The following MDFIC2 variants were observed in gnomAD, a reference collection of about 807,000 sequenced individuals.
The protein encoded by MDFIC2 is MyoD family inhibitor domain containing 2.
In MDFIC2 at chr3:70,223,931, C is replaced by A. The variant is rs74608348; in HGVS notation, c.89-17141G>T. Among the ~76,000 whole-genome samples the A allele has an allele frequency of 5.3e-3, 809 of 152,178 alleles. 10 individuals carry two copies. The highest frequency in any genetic ancestry group is 0.019 in the African/African-American group (769 of 41,516). On this transcript the variant is annotated intron_variant, in intron 2 of 3. Transcript: ENST00000567252. ...TAACTTTTGTACTCTCCTCTCCCCCCACCCTTTTGGTTTTGTTTCTTTCTT... is the reference window on the plus strand; with the variant it reads ...TAACTTTTGTACTCTCCTCTCCCCCAACCCTTTTGGTTTTGTTTCTTTCTT...
intron 2 of MDFIC2, among the ~76,000 whole-genome samples, chr3:70,288,136 T>C (rs1253686686): frequency 6.9e-6 from 1 of 145,400 alleles, no homozygotes; most frequent in African/African-American, 2.6e-5. Flanking sequence ...TTCTAGTTCT[T>C]TTAATTGTGA....
intron 2 of MDFIC2, among the ~76,000 whole-genome samples, chr3:70,307,213 ATTG>A (rs1342084375): frequency 2.0e-5 from 3 of 152,006 alleles, no homozygotes; most frequent in African/African-American, 7.2e-5. Flanking sequence ...TGGTGTTGTT[ATTG>A]TTGTTGTTGT....
intron 2 of MDFIC2, among the ~76,000 whole-genome samples, chr3:70,307,424 G>A (rs1391830122): frequency 1.3e-5 from 2 of 152,074 alleles, no homozygotes; most frequent in African/African-American, 4.8e-5. Flanking sequence ...AATGGTGTAA[G>A]CTACAGGCAC....
intron 2 of MDFIC2, among the ~76,000 whole-genome samples, chr3:70,235,732 C>T (rs1701600388): frequency 6.6e-6 from 1 of 152,178 alleles, no homozygotes; most frequent in South Asian, 2.1e-4. Context: ...CAAATCAGGC[C>T]ATTGATAATT....
intron 2 of MDFIC2, among the ~76,000 whole-genome samples, chr3:70,301,760 C>T (rs896225186): frequency 4.6e-5 from 7 of 151,914 alleles, no homozygotes; most frequent in African/African-American, 1.7e-4. Context: ...ATAAACTTTT[C>T]ATATTTTATG....
At chr3:70,291,999 GA>G (rs1702243871) in intron 2 of MDFIC2, 1 of 152,122 alleles carries the variant, frequency 6.6e-6, no homozygotes, top group Non-Finnish European at 1.5e-5. Flanking sequence ...TCATATACAA[GA>G]CACGATGGTT....
intron 2 of MDFIC2, among the ~76,000 whole-genome samples, chr3:70,285,536 A>G (rs1460127053): frequency 2.6e-5 from 4 of 152,026 alleles, no homozygotes. Flanking sequence ...ATGTGTCTTT[A>G]TAGCAGCATG....
intron 2 of MDFIC2, among the ~76,000 whole-genome samples, chr3:70,219,548 G>A (rs561766224): frequency 6.6e-6 from 1 of 152,184 alleles, no homozygotes; most frequent in African/African-American, 2.4e-5. Flanking sequence ...AGTTTGTAAA[G>A]AAAAGAGAAA....
chr3:70,250,924 A>G (rs539166539), intron 2 of MDFIC2, among the ~76,000 whole-genome samples: 3 of 152,246 alleles, frequency 2.0e-5, no homozygotes, highest in African/African-American at 7.2e-5. Context: ...ATGGTCTCCA[A>G]TAAAATTTAA....
chr3:70,216,263 TAAC>T (rs1191518147), intron 2 of MDFIC2, among the ~76,000 whole-genome samples: 1 of 150,336 alleles, frequency 6.7e-6, no homozygotes, highest in African/African-American at 2.4e-5. Flanking sequence ...ATTAGATTAA[TAAC>T]AAATATACTA....
At chr3:70,293,058 A>AG in intron 2 of MDFIC2, among the ~76,000 whole-genome samples, 1 of 150,100 alleles carries the variant, frequency 6.7e-6, no homozygotes, top group Non-Finnish European at 1.5e-5. Flanking sequence ...AAAAAAAAAA[A>AG]AAAAAAAAAA....
chr3:70,285,834 T>G (rs1702156596), intron 2 of MDFIC2, among the ~76,000 whole-genome samples: 1 of 152,148 alleles, frequency 6.6e-6, no homozygotes, highest in Non-Finnish European at 1.5e-5. Context: ...AATCATGTGT[T>G]TTTTGGCTGC....
chr3:70,279,415 C>A (rs956610849), intron 2 of MDFIC2, among the ~76,000 whole-genome samples: 2 of 152,046 alleles, frequency 1.3e-5, no homozygotes, highest in South Asian at 2.1e-4. Context: ...GTCAGAAAGA[C>A]CTCTGGACTT....
At chr3:70,267,338 A>G (rs1416455389) in intron 2 of MDFIC2, among the ~76,000 whole-genome samples, 1 of 150,400 alleles carries the variant, frequency 6.6e-6, no homozygotes, top group South Asian at 2.1e-4. Flanking sequence ...TTTCCATGAG[A>G]CCTACCTTTA....
At chr3:70,220,453 A>G (rs1701452494) in intron 2 of MDFIC2, among the ~76,000 whole-genome samples, 1 of 152,028 alleles carries the variant, frequency 6.6e-6, no homozygotes, top group Admixed American at 6.6e-5. Flanking sequence ...AAAAAAAATT[A>G]CTTCAAGTTA....
chr3:70,304,518 A>G (rs975150007), intron 2 of MDFIC2, among the ~76,000 whole-genome samples: 4 of 151,982 alleles, frequency 2.6e-5, no homozygotes, highest in African/African-American at 9.7e-5. Context: ...ACCATTCATC[A>G]TTACCATTTC....
chr3:70,206,384 C>G (rs936791363), intron 3 of MDFIC2, among the ~76,000 whole-genome samples, 185 bp downstream of exon 3: 3 of 152,056 alleles, frequency 2.0e-5, no homozygotes, highest in Non-Finnish European at 4.4e-5. Flanking sequence ...AGCAAACAAT[C>G]TGCCAAGCGC....
intron 2 of MDFIC2, among the ~76,000 whole-genome samples, chr3:70,213,564 A>G (rs888241815): frequency 6.6e-6 from 1 of 152,152 alleles, no homozygotes; most frequent in African/African-American, 2.4e-5. Context: ...GTGACATTTC[A>G]AGGTATAAGC....
At chr3:70,259,705 C>T (rs1384295004) in intron 2 of MDFIC2, among the ~76,000 whole-genome samples, 2 of 152,162 alleles carry the variant, frequency 1.3e-5, no homozygotes, top group Non-Finnish European at 2.9e-5. Context: ...AACAAAGTGC[C>T]ACAAACTGGG....
Sources: allele counts gnomAD v4.1 joint callset (sites outside exome capture counted in the v4.1 genomes callset), GRCh38; gene constraint gnomAD v4.1.1; transcripts MANE v1.5; gene names NCBI Gene and HGNC (gene_info 2026-07-23, HGNC 2026-07-21).